Variants in GALK2 observed in about 807,000 individuals in gnomAD.
GALK2 encodes the protein N-acetylgalactosamine kinase.
GALK2 carries 36 observed loss-of-function variants against 52.4 expected under a neutral mutation model. That is an observed-to-expected ratio of 0.69 (90% CI 0.53 to 0.91). The LOEUF is 0.91. Among genes scored for constraint, GALK2 ranks in the 40% least tolerant of loss-of-function variants. The pLI is 0.00. For missense variants in GALK2, 579 were observed against 559.1 expected (o/e 1.04, Z -0.36); for synonymous variants, 176 against 199.1 (o/e 0.88, Z 0.98).
intron 1 of GALK2, among the ~76,000 whole-genome samples, chr15:49,157,917 A>T (rs1334996551): frequency 6.6e-6 from 1 of 152,208 alleles, no homozygotes; most frequent in African/African-American, 2.4e-5. Flanking sequence ...TAAAATGAGC[A>T]TAATGCTACC....
rs149882209 is a variant in GALK2 at position 49,353,528 on chromosome 15, G to A, written c.427-13963G>A. ...ATAGCTCACATTTCATCAAGTTAAC[G>A]TGTGCTTTCCATTATCTGAAAAATC... On this transcript the variant is annotated intron_variant, in intron 3 of 3. Coordinates refer to the GALK2 transcript ENST00000558399. The A allele has an allele frequency of 1.5e-3, 232 of 151,734 alleles. 1 individual carries two copies. Among genetic ancestry groups the A allele is most frequent in the African/African-American group, 5.1e-3 (212 of 41,366 alleles). The allele number at this position is 151,734 out of a possible 1,614,324, so 9.4% of individuals were successfully genotyped here.
chr15:49,338,018 C>G (rs1054417986), intron 3 of GALK2, among the ~76,000 whole-genome samples: 1 of 152,052 alleles, frequency 6.6e-6, no homozygotes, highest in African/African-American at 2.4e-5. Flanking sequence ...GTGTATATAC[C>G]CAGTAATGGG....
At chr15:49,237,568 C>A (rs1350488724) in intron 4 of GALK2, among the ~76,000 whole-genome samples, 6 of 152,018 alleles carry the variant, frequency 3.9e-5, no homozygotes, top group Non-Finnish European at 7.4e-5. Flanking sequence ...CCTCTGCCCC[C>A]GGGGTTCAAG....
chr15:49,327,422 C>T (rs1485761429), intron 9 of GALK2: 1 of 152,252 alleles, frequency 6.6e-6, no homozygotes, highest in Non-Finnish European at 1.5e-5. Context: ...GTGAACTAGG[C>T]TATCTGTTCT....
intron 3 of GALK2, among the ~76,000 whole-genome samples, chr15:49,349,256 C>G (rs1000827691): frequency 1.3e-5 from 2 of 152,108 alleles, no homozygotes; most frequent in Non-Finnish European, 2.9e-5. Flanking sequence ...CATACTCATT[C>G]ATGTGAAACA....
At chr15:49,290,966 G>T (rs2033876633) in intron 7 of GALK2, among the ~76,000 whole-genome samples, 2 of 151,912 alleles carry the variant, frequency 1.3e-5, no homozygotes, top group Middle Eastern at 6.8e-3. Flanking sequence ...GTTTTGTTTT[G>T]TTTTTTTGAG....
chr15:49,354,895 G>C (rs1474687971), intron 3 of GALK2, among the ~76,000 whole-genome samples: 1 of 152,072 alleles, frequency 6.6e-6, no homozygotes, highest in Admixed American at 6.5e-5. Flanking sequence ...GGAGATCTGA[G>C]AACGGGCAGA....
intron 3 of GALK2, among the ~76,000 whole-genome samples, chr15:49,346,780 C>T (rs2041571790): frequency 6.6e-6 from 1 of 152,102 alleles, no homozygotes; most frequent in Non-Finnish European, 1.5e-5. Flanking sequence ...CAAGCTGTGG[C>T]CAGAATCTCC....
At chr15:49,228,355 A>G (rs2090257217) in intron 3 of GALK2, among the ~76,000 whole-genome samples, 1 of 151,878 alleles carries the variant, frequency 6.6e-6, no homozygotes, top group African/African-American at 2.4e-5. Context: ...CCAAAAATTC[A>G]AATATTTGGT....
chr15:49,244,177 A>G (rs941361079), intron 5 of GALK2, among the ~76,000 whole-genome samples: 12 of 151,984 alleles, frequency 7.9e-5, no homozygotes, highest in Non-Finnish European at 1.8e-4. Context: ...CCTGACCTCA[A>G]GTGATCCTCC....
upstream of GALK2, among the ~76,000 whole-genome samples, chr15:49,165,800 C>CTTTTT (rs552058665): frequency 3.7e-5 from 5 of 134,720 alleles, no homozygotes; most frequent in Non-Finnish European, 6.4e-5. Context: ...TAATGTATTT[C>CTTTTT]TTTTTTTTTT....
At chr15:49,221,941 A>G (rs2089825860) in intron 3 of GALK2, among the ~76,000 whole-genome samples, 1 of 152,106 alleles carries the variant, frequency 6.6e-6, no homozygotes, top group Admixed American at 6.5e-5. Flanking sequence ...TTTTGTGAAA[A>G]TGACAGTAGT....
chr15:49,173,131 G>C (rs2085210544), intron 1 of GALK2, among the ~76,000 whole-genome samples: 1 of 152,058 alleles, frequency 6.6e-6, no homozygotes, highest in Admixed American at 6.6e-5. Flanking sequence ...GTCACTTTGG[G>C]CATTTCAAAT....
intron 1 of GALK2, among the ~76,000 whole-genome samples, chr15:49,195,683 G>C (rs1168908945): frequency 6.6e-6 from 1 of 152,120 alleles, no homozygotes; most frequent in Non-Finnish European, 1.5e-5. Flanking sequence ...GAGCATGGCA[G>C]GTTGCCTAAG....
At chr15:49,264,076 T>C (rs1566993752) in intron 5 of GALK2, among the ~76,000 whole-genome samples, 1 of 151,854 alleles carries the variant, frequency 6.6e-6, no homozygotes, top group Non-Finnish European at 1.5e-5. Flanking sequence ...AGGAGTATCT[T>C]TGTGGCGTTC....
chr15:49,367,485 T>C (rs1311678601), intron 3 of GALK2: 1 of 1,601,564 alleles, frequency 6.2e-7, no homozygotes, highest in Non-Finnish European at 8.5e-7. Context: ...ATCTTGGTTT[T>C]CTTAGGTGCT....
At chr15:49,358,834 A>G (rs1363294689) in intron 3 of GALK2, among the ~76,000 whole-genome samples, 1 of 152,002 alleles carries the variant, frequency 6.6e-6, no homozygotes, top group Non-Finnish European at 1.5e-5. Context: ...CTGACTTCAA[A>G]CTATACTACA....
intron 1 of GALK2, among the ~76,000 whole-genome samples, chr15:49,178,225 A>G (rs1233554335): frequency 8.5e-6 from 1 of 117,404 alleles, no homozygotes; most frequent in Non-Finnish European, 1.8e-5. Flanking sequence ...ATATATATAT[A>G]TAGAAATAAA....
At chr15:49,255,739 T>G (rs565490406) in intron 5 of GALK2, among the ~76,000 whole-genome samples, 2 of 152,144 alleles carry the variant, frequency 1.3e-5, no homozygotes, top group Non-Finnish European at 2.9e-5. Context: ...TTTTTGTTAA[T>G]AAAAGTTCTT....
Sources: allele counts gnomAD v4.1 joint callset (sites outside exome capture counted in the v4.1 genomes callset), GRCh38; gene constraint gnomAD v4.1.1; transcripts MANE v1.5; gene names NCBI Gene and HGNC (gene_info 2026-07-23, HGNC 2026-07-21).